Variants in FBXL7 observed in about 807,000 individuals in gnomAD.
The protein encoded by FBXL7 is F-box/LRR-repeat protein 7.
In FBXL7, 12 loss-of-function variants were observed where a neutral mutation model predicts 38.3. The ratio of observed to expected loss-of-function variants is 0.31; its 90% CI spans 0.20 to 0.51. The LOEUF (loss-of-function observed/expected upper bound fraction) is 0.51. Ranked by LOEUF, FBXL7 falls within the 20% of genes least tolerant of loss-of-function variation. FBXL7 has a pLI of 0.98. For synonymous variants in FBXL7, 297 were observed against 300.9 expected, an observed-to-expected ratio of 0.99 and a Z score of 0.13; for missense variants, 567 against 676.4, an observed-to-expected ratio of 0.84 and a Z score of 1.79.
chr5:15,739,305 T>C (rs1487302335), intron 2 of FBXL7, among the ~76,000 whole-genome samples: 1 of 148,994 alleles, frequency 6.7e-6, no homozygotes, highest in African/African-American at 2.5e-5. Flanking sequence ...TCCACCCACC[T>C]CCTTTCCAGC....
chr5:15,806,377 T>A (rs1409804721), intron 2 of FBXL7, among the ~76,000 whole-genome samples: 1 of 151,746 alleles, frequency 6.6e-6, no homozygotes, highest in Admixed American at 6.5e-5. Context: ...CAATTAACTT[T>A]GACAAGTGTA....
chr5:15,553,088 A>AG (rs1467369348), intron 1 of FBXL7, among the ~76,000 whole-genome samples: 1 of 147,064 alleles, frequency 6.8e-6, no homozygotes, highest in African/African-American at 2.5e-5. Flanking sequence ...GTCAAAAAAA[A>AG]AAAACAAAAA....
At chr5:15,839,427 A>G (rs935730982) in intron 2 of FBXL7, among the ~76,000 whole-genome samples, 1 of 151,980 alleles carries the variant, frequency 6.6e-6, no homozygotes, top group Non-Finnish European at 1.5e-5. Flanking sequence ...AAATATAGCA[A>G]TCTATCTGAT....
At chr5:15,529,473 C>T (rs1188310031) in intron 1 of FBXL7, among the ~76,000 whole-genome samples, 9 of 152,152 alleles carry the variant, frequency 5.9e-5, no homozygotes, top group South Asian at 2.1e-4. Flanking sequence ...GCAAGCTCTG[C>T]CCCCTGGGTT....
At chr5:15,545,912 ACTATGATAACTG>A (rs1554004837) in intron 1 of FBXL7, among the ~76,000 whole-genome samples, 2 of 152,226 alleles carry the variant, frequency 1.3e-5, no homozygotes, top group Non-Finnish European at 2.9e-5. Flanking sequence ...TGCACTGACC[ACTATGATAACTG>A]CTAGCCACAG....
chr5:15,874,022 A>C (rs1740091996), intron 2 of FBXL7, among the ~76,000 whole-genome samples: 1 of 152,218 alleles, frequency 6.6e-6, no homozygotes, highest in Non-Finnish European at 1.5e-5. Context: ...AATACCCAAT[A>C]AAATACTGGC....
intron 2 of FBXL7, among the ~76,000 whole-genome samples, chr5:15,888,196 C>CTTTA (rs3034529): frequency 0.12 from 17,964 of 145,148 alleles, 1,226 homozygotes; most frequent in Admixed American, 0.16. Flanking sequence ...GTAAACACCA[C>CTTTA]TTTATTTATT....
chr5:15,679,687 C>A (rs1006577216), intron 2 of FBXL7, among the ~76,000 whole-genome samples: 2 of 151,786 alleles, frequency 1.3e-5, no homozygotes, highest in Admixed American at 6.6e-5. Context: ...ACTGGAGTAC[C>A]CCCCAAAAAA....
At chr5:15,714,902 C>T (rs1007870160) in intron 2 of FBXL7, among the ~76,000 whole-genome samples, 1 of 150,628 alleles carries the variant, frequency 6.6e-6, no homozygotes, top group Non-Finnish European at 1.5e-5. Context: ...AGAAGACATC[C>T]TGATGACAGA....
In FBXL7 at chr5:15,914,148, A is replaced by T. The variant is rs183711295; in HGVS notation, c.128-13742A>T. 3.9e-5 allele frequency among the ~76,000 whole-genome samples: 6 copies of T among 152,230 alleles called. No homozygotes were observed. The East Asian group carries it at 1.2e-3, about 29-fold the overall frequency. ...ACGCCTGTAATCCCAGCACTTTGGG[A>T]GGCCGAGGCGGGCGGATCTCGAGGT... On this transcript the variant is annotated intron_variant, in intron 2 of 3. Coordinates refer to ENST00000504595, the MANE Select transcript of FBXL7 (RefSeq NM_012304.5).
chr5:15,601,295 A>G (rs1739781540), intron 1 of FBXL7, among the ~76,000 whole-genome samples: 1 of 152,032 alleles, frequency 6.6e-6, no homozygotes, highest in Non-Finnish European at 1.5e-5. Context: ...AGTGGTGCAA[A>G]TTGTAGTGAT....
intron 2 of FBXL7, among the ~76,000 whole-genome samples, chr5:15,772,526 AGAG>A (rs1475007456): frequency 1.3e-5 from 2 of 152,228 alleles, no homozygotes; most frequent in Non-Finnish European, 2.9e-5. Flanking sequence ...CTTTGGAGTC[AGAG>A]GTTTTACAGT....
intron 1 of FBXL7, among the ~76,000 whole-genome samples, chr5:15,547,822 A>G (rs557945458): frequency 6.6e-6 from 1 of 152,284 alleles, no homozygotes; most frequent in East Asian, 1.9e-4. Flanking sequence ...TATTCTTGTC[A>G]ACTACTAGTA....
chr5:15,523,287 G>T (rs1004791908), intron 1 of FBXL7, among the ~76,000 whole-genome samples: 7 of 152,178 alleles, frequency 4.6e-5, no homozygotes, highest in African/African-American at 1.7e-4. Flanking sequence ...GGCTGGGTGC[G>T]GTGGCTCACG....
At chr5:15,735,444 TGATG>T (rs1355957525) in intron 2 of FBXL7, among the ~76,000 whole-genome samples, 1 of 152,186 alleles carries the variant, frequency 6.6e-6, no homozygotes, top group Non-Finnish European at 1.5e-5. Context: ...TAAGCAGTGA[TGATG>T]GGGATGCTAA....
intron 2 of FBXL7, among the ~76,000 whole-genome samples, chr5:15,813,570 A>T (rs144744031): frequency 0.015 from 2,237 of 152,316 alleles, 62 homozygotes; most frequent in African/African-American, 0.052. Context: ...GCCAAAATTG[A>T]CAAATGGGAT....
At chr5:15,773,111 G>C (rs924666880) in intron 2 of FBXL7, among the ~76,000 whole-genome samples, 24 of 152,062 alleles carry the variant, frequency 1.6e-4, no homozygotes, top group Admixed American at 2.6e-4. Context: ...GCCAAGGCTG[G>C]TTGTTTTAAA....
intron 2 of FBXL7, among the ~76,000 whole-genome samples, chr5:15,694,348 G>T (rs745593777): frequency 6.6e-6 from 1 of 152,162 alleles, no homozygotes; most frequent in Non-Finnish European, 1.5e-5. Flanking sequence ...AAGCAGGTGG[G>T]GCAGTTAACA....
chr5:15,935,349 G>A, intron 3 of FBXL7: 3 of 409,240 alleles, frequency 7.3e-6, no homozygotes, highest in South Asian at 5.1e-5. Flanking sequence ...AGGGAAGGGA[G>A]TCTGATTCAA....
Sources: allele counts gnomAD v4.1 joint callset (sites outside exome capture counted in the v4.1 genomes callset), GRCh38; gene constraint gnomAD v4.1.1; transcripts MANE v1.5; gene names NCBI Gene and HGNC (gene_info 2026-07-23, HGNC 2026-07-21).